HDAC9: variants seen among roughly 807,000 people sequenced by gnomAD.
The protein encoded by HDAC9 is histone deacetylase 9.
In HDAC9, 41 loss-of-function variants were observed where a neutral mutation model predicts 139.4. The observed-to-expected ratio is 0.29, with a 90% CI of 0.23 to 0.38. The LOEUF is 0.38. Ranked by LOEUF, HDAC9 falls within the 10% of genes least tolerant of loss-of-function variation. HDAC9 has a pLI of 1.00. For synonymous variants in HDAC9, 517 were observed against 476.2 expected, an observed-to-expected ratio of 1.09 and a Z score of -1.12; for missense variants, 1,147 against 1,297.0, an observed-to-expected ratio of 0.88 and a Z score of 1.78.
At chr7:18,205,275 T>C (rs1791421220) in intron 2 of HDAC9, among the ~76,000 whole-genome samples, 1 of 151,982 alleles carries the variant, frequency 6.6e-6, no homozygotes, top group Admixed American at 6.6e-5. Flanking sequence ...CTGATCTATT[T>C]CAAATTAGAT....
chr7:18,771,884 C>G (rs1326950890), intron 16 of HDAC9, among the ~76,000 whole-genome samples: 1 of 152,014 alleles, frequency 6.6e-6, no homozygotes, highest in Non-Finnish European at 1.5e-5. Flanking sequence ...ATCTTTGAAA[C>G]AAAACCAATA....
At chr7:18,197,813 A>T (rs767073983) in intron 2 of HDAC9, among the ~76,000 whole-genome samples, 55 of 151,968 alleles carry the variant, frequency 3.6e-4, no homozygotes, top group Non-Finnish European at 7.2e-4. Context: ...TTTTTTCTTC[A>T]TTTTCCACTT....
chr7:18,360,018 A>G (rs1783651639), intron 1 of HDAC9, among the ~76,000 whole-genome samples: 1 of 152,140 alleles, frequency 6.6e-6, no homozygotes, highest in Non-Finnish European at 1.5e-5. Flanking sequence ...GCATTGCCAC[A>G]GGACACGGTT....
Position 18,874,467 on chromosome 7 carries a change from T to C in HDAC9, c.2685-11T>C, listed in dbSNP as rs1319969236. On this transcript the variant is annotated splice_polypyrimidine_tract_variant and intron_variant, in intron 21 of 25. Coordinates refer to ENST00000686413, the MANE Select transcript of HDAC9 (RefSeq NM_178425.4). ...GTCCCACGTGTGACCGGTTGCATTTTTACTGTGCAGGACCATCGTGAAGCC... is the reference window on the plus strand; with the variant it reads ...GTCCCACGTGTGACCGGTTGCATTTCTACTGTGCAGGACCATCGTGAAGCC... 1 of 1,558,806 alleles carries C rather than the reference T, an allele frequency of 6.4e-7. No individual in the cohort carries two copies. The highest frequency in any genetic ancestry group is 1.2e-5 in the South Asian group (1 of 85,470).
At chr7:18,698,008 C>A (rs1429510808) in intron 12 of HDAC9, among the ~76,000 whole-genome samples, 1 of 151,948 alleles carries the variant, frequency 6.6e-6, no homozygotes, top group Non-Finnish European at 1.5e-5. Context: ...TAAAATTAGA[C>A]TCACCAGGAG....
chr7:18,181,604 G>A (rs532211768), intron 2 of HDAC9, among the ~76,000 whole-genome samples: 1 of 152,198 alleles, frequency 6.6e-6, no homozygotes, highest in African/African-American at 2.4e-5. Flanking sequence ...TGTATATATT[G>A]AGTACAAAAA....
rs433 is a variant in HDAC9, at chr7:18,998,696, G to A, written c.*2634G>A. ...CTTACCCGTTTAAATTTTATTGCTCGCAGTTGTTCTGAATGAGAGGCTAGA... is the reference window on the plus strand; with the variant it reads ...CTTACCCGTTTAAATTTTATTGCTCACAGTTGTTCTGAATGAGAGGCTAGA... On this transcript the variant is annotated 3_prime_UTR_variant, in exon 26 of 26. Coordinates refer to ENST00000686413, the MANE Select transcript of HDAC9 (RefSeq NM_178425.4). 87,686 of 152,078 alleles carry A rather than the reference G, an allele frequency of 0.58. 27,154 individuals are homozygous for A. Among genetic ancestry groups the A allele is most frequent in the African/African-American group, 0.81 (33,631 of 41,516 alleles). The allele number at this position is 152,078 out of a possible 1,614,324, so 9.4% of individuals were successfully genotyped here.
chr7:18,130,828 C>T (rs901788194), intron 1 of HDAC9, among the ~76,000 whole-genome samples: 2 of 152,136 alleles, frequency 1.3e-5, no homozygotes, highest in African/African-American at 4.8e-5. Context: ...CCCAAGTTAC[C>T]GCAGTTATGG....
At chr7:18,149,324 TATTA>T (rs999488249) in intron 1 of HDAC9, among the ~76,000 whole-genome samples, 4 of 149,920 alleles carry the variant, frequency 2.7e-5, no homozygotes, top group Non-Finnish European at 4.4e-5. Flanking sequence ...TTTAACAACA[TATTA>T]ATTCTTATAA....
chr7:18,812,645 T>C (rs1047541205), intron 17 of HDAC9, among the ~76,000 whole-genome samples: 2 of 151,920 alleles, frequency 1.3e-5, no homozygotes, highest in African/African-American at 4.8e-5. Flanking sequence ...TCTTTTTTTT[T>C]CCGGTTGAAG....
intron 21 of HDAC9, among the ~76,000 whole-genome samples, chr7:18,857,088 A>T (rs1797738121): frequency 6.6e-6 from 1 of 152,148 alleles, no homozygotes; most frequent in Admixed American, 6.6e-5. Flanking sequence ...CTTCATTTAA[A>T]TTTTTATCTT....
At chr7:18,304,153 T>A (rs953701502) in intron 1 of HDAC9, among the ~76,000 whole-genome samples, 3 of 152,214 alleles carry the variant, frequency 2.0e-5, no homozygotes, top group Non-Finnish European at 2.9e-5. Context: ...GATTATACTA[T>A]ATAAGAGTTT....
At chr7:18,796,627 T>G (rs565960364) in intron 17 of HDAC9, among the ~76,000 whole-genome samples, 2 of 152,230 alleles carry the variant, frequency 1.3e-5, no homozygotes, top group Non-Finnish European at 2.9e-5. Context: ...TCAAATTGGC[T>G]ATTTCTCAGA....
chr7:18,633,608 A>T lies in HDAC9; in HGVS notation c.797-1019A>T, dbSNP rs574420717. Reference sequence around the variant, plus strand: ...GAGTAGAAAGAAAAGATGCTGGTGGAAATCATATCAAAAATCCTGTCTCTG... The same window carrying T: ...GAGTAGAAAGAAAAGATGCTGGTGGTAATCATATCAAAAATCCTGTCTCTG... On this transcript the variant is annotated intron_variant, in intron 7 of 25. Coordinates refer to ENST00000686413, the MANE Select transcript of HDAC9 (RefSeq NM_178425.4). 2.0e-5 allele frequency among the ~76,000 whole-genome samples: 3 copies of T among 152,220 alleles called. No homozygotes were observed. The South Asian group carries it at 6.2e-4, about 32-fold the overall frequency.
chr7:18,501,493 G>A (rs996801052), intron 2 of HDAC9, among the ~76,000 whole-genome samples: 8 of 152,156 alleles, frequency 5.3e-5, no homozygotes, highest in African/African-American at 1.9e-4. Flanking sequence ...GAAGTATTTA[G>A]TACATTTATA....
intron 6 of HDAC9, among the ~76,000 whole-genome samples, chr7:18,602,647 C>A (rs531782281): frequency 6.6e-6 from 1 of 151,976 alleles, no homozygotes; most frequent in South Asian, 2.1e-4. Context: ...GTTGTATTTT[C>A]ATTTTCATTT....
intron 9 of HDAC9, among the ~76,000 whole-genome samples, chr7:18,647,265 T>A (rs937195854): frequency 6.6e-6 from 1 of 152,160 alleles, no homozygotes; most frequent in Non-Finnish European, 1.5e-5. Flanking sequence ...CATTTTTTGT[T>A]TTTTTATTGA....
chr7:18,902,776 C>G (rs1047469399), intron 22 of HDAC9, among the ~76,000 whole-genome samples: 8 of 152,200 alleles, frequency 5.3e-5, no homozygotes, highest in African/African-American at 1.9e-4. Context: ...ATTTTAATAT[C>G]TGAGGAATGG....
intron 22 of HDAC9, among the ~76,000 whole-genome samples, chr7:18,923,729 A>G (rs1803965820): frequency 1.3e-5 from 2 of 152,104 alleles, no homozygotes; most frequent in African/African-American, 4.8e-5. Context: ...CAAGTAGACC[A>G]TGGCTTAAGA....
Sources: gnomAD v4.1 joint callset for allele counts (sites outside exome capture counted in the v4.1 genomes callset) on GRCh38, gnomAD v4.1.1 for gene constraint, MANE v1.5 for transcripts, NCBI Gene and HGNC (gene_info 2026-07-23, HGNC 2026-07-21) for gene names.